The following PLEKHF2 variants were observed in gnomAD, a reference collection of about 807,000 sequenced individuals.
PLEKHF2 encodes pleckstrin homology and FYVE domain containing 2.
A neutral mutation model predicts 14.7 loss-of-function variants in PLEKHF2; 4 were observed. The observed-to-expected ratio is 0.27, with a 90% CI of 0.13 to 0.62. The LOEUF is 0.62. Ranked by LOEUF, PLEKHF2 falls within the 20% of genes least tolerant of loss-of-function variation. The probability of loss-of-function intolerance (pLI) is 0.85; values close to 1 mark genes in which losing one functional copy is unlikely to be tolerated. For missense variants in PLEKHF2, 201 were observed against 307.7 expected (o/e 0.65, Z 2.60); for synonymous variants, 90 against 103.5 (o/e 0.87, Z 0.79).
At chr8:95,134,865 TAAAG>T (rs1342779910) in intron 1 of PLEKHF2, among the ~76,000 whole-genome samples, 1 of 152,184 alleles carries the variant, frequency 6.6e-6, no homozygotes, top group African/African-American at 2.4e-5. Context: ...AGAGACTCAT[TAAAG>T]AAAGATTTAG....
chr8:95,147,184 T>C (rs1810508089), intron 1 of PLEKHF2, among the ~76,000 whole-genome samples: 1 of 152,066 alleles, frequency 6.6e-6, no homozygotes, highest in African/African-American at 2.4e-5. Flanking sequence ...TTTATTTATT[T>C]ATTGTAATTA....
intron 1 of PLEKHF2, among the ~76,000 whole-genome samples, chr8:95,144,374 T>A (rs1587306438): frequency 6.6e-6 from 1 of 152,236 alleles, no homozygotes; most frequent in East Asian, 1.9e-4. Flanking sequence ...CCTAAATTAG[T>A]CATAGCTTTG....
At chr8:95,144,039 T>G (rs1810465667) in intron 1 of PLEKHF2, among the ~76,000 whole-genome samples, 1 of 152,118 alleles carries the variant, frequency 6.6e-6, no homozygotes, top group Admixed American at 6.5e-5. Flanking sequence ...TTTTTTTTCT[T>G]TTTCTTTTTT....
intron 1 of PLEKHF2, among the ~76,000 whole-genome samples, chr8:95,135,077 A>G (rs2132102901): frequency 6.6e-6 from 1 of 152,276 alleles, no homozygotes; most frequent in East Asian, 1.9e-4. Context: ...GCTTCATTAT[A>G]ATCTCTTTGG....
intron 1 of PLEKHF2, among the ~76,000 whole-genome samples, chr8:95,136,373 C>CACACACACACACAT (rs10534400): frequency 8.3e-5 from 12 of 145,156 alleles, no homozygotes; most frequent in African/African-American, 3.1e-4. Context: ...CACACACACA[C>CACACACACACACAT]ATGTTTTGTT....
rs1587311248 is a variant in PLEKHF2 at position 95,154,312 on chromosome 8, A to G, written c.268A>G (p.Ile90Val). The change falls in exon 2 of 2, where the codon ATC becomes GTC. Residue 90 changes from isoleucine to valine, a missense_variant. Ile to Val is a conservative substitution (Grantham distance 29, BLOSUM62 3). Coordinates refer to ENST00000315367, the MANE Select transcript of PLEKHF2 (RefSeq NM_024613.4). This position sits in a 1 kb window ranked among gnomAD's most constrained non-coding sequence, Gnocchi z 5.6. ...IPLENVTIDS[I>V]KDEGDLRNGW... ...CCTGGAAAATGTCACTATTGATTCC[A>G]TCAAAGATGAGGGAGACTTAAGGAA... is the stretch of plus-strand genomic sequence containing the variant. 1.2e-6 allele frequency: 2 copies of G among 1,614,006 alleles called. No homozygotes were observed. Among genetic ancestry groups the G allele is most frequent in the Non-Finnish European group, 1.7e-6 (2 of 1,179,974 alleles).
chr8:95,135,174 A>G (rs1455212275), intron 1 of PLEKHF2, among the ~76,000 whole-genome samples: 1 of 152,224 alleles, frequency 6.6e-6, no homozygotes, highest in Non-Finnish European at 1.5e-5. Flanking sequence ...TAGTATAGTG[A>G]CTAAGCTTCA....
Position 95,138,656 on chromosome 8 carries a change from A to G in PLEKHF2, c.-15+4626A>G, listed in dbSNP as rs547032729. Among the ~76,000 whole-genome samples, 4 of 152,274 alleles carry G rather than the reference A, an allele frequency of 2.6e-5. No homozygotes were observed. In the East Asian group the frequency reaches 5.8e-4, roughly 22 times the overall value. On this transcript the variant is annotated intron_variant, in intron 1 of 1. Transcript: ENST00000315367. ...ATAACCACTACTGACTTTTTGGTGCATATCAGCCACTTTTAAATAACAAGT... is the reference window on the plus strand; with the variant it reads ...ATAACCACTACTGACTTTTTGGTGCGTATCAGCCACTTTTAAATAACAAGT...
Position 95,156,449 on chromosome 8 carries a change from T to A in PLEKHF2, c.*1655T>A, listed in dbSNP as rs1166170069. The A allele has an allele frequency of 6.0e-6, 1 of 167,034 alleles. No individual in the cohort carries two copies. The highest frequency in any genetic ancestry group is 1.9e-4 in the East Asian group (1 of 5,202). 10.3% of individuals were successfully genotyped at this position (167,034 alleles called of 1,614,324 possible). A position where few individuals can be genotyped will look rare whatever the true frequency, so the allele number is the denominator to read the frequency against. On this transcript the variant is annotated 3_prime_UTR_variant, in exon 2 of 2. Coordinates refer to ENST00000315367, the MANE Select transcript of PLEKHF2 (RefSeq NM_024613.4). ...GGTTTTTTGTTCATTTGCTTGCTTT[T>A]ATGATTTTTTTTGGTTTGTTTTAAT...
rs10534400 is a variant in PLEKHF2 at position 95,136,373 on chromosome 8, C to CACACACACAT, written c.-15+2344_-15+2345insCACACACATA. Reference sequence around the variant, plus strand: ...ACACACACACACACACACACACACACATGTTTTGTTGTTGTTTTGTTGAGA... The same window carrying CACACACACAT: ...ACACACACACACACACACACACACACACACACACATATGTTTTGTTGTTGTTTTGTTGAGA... On this transcript the variant is annotated intron_variant, in intron 1 of 1. Transcript: ENST00000315367. Among the ~76,000 whole-genome samples, 621 of 145,202 alleles carry CACACACACAT rather than the reference C, an allele frequency of 4.3e-3. 7 individuals carry two copies. The highest frequency in any genetic ancestry group is 0.015 in the African/African-American group (598 of 39,208).
rs547158837 is a variant in PLEKHF2, at chr8:95,145,569, A to G, written c.-14-8462A>G. Among the ~76,000 whole-genome samples the G allele has an allele frequency of 9.2e-5, 14 of 151,770 alleles. No homozygotes were observed. In the East Asian group the frequency reaches 2.3e-3, roughly 25 times the overall value. ...CTCCCGAGTAGCTGGGACTACAGGCACCCACCACCACGCCTGGCTAATTTT... is the reference window on the plus strand; with the variant it reads ...CTCCCGAGTAGCTGGGACTACAGGCGCCCACCACCACGCCTGGCTAATTTT... On this transcript the variant is annotated intron_variant, in intron 1 of 1. Coordinates refer to ENST00000315367, the MANE Select transcript of PLEKHF2 (RefSeq NM_024613.4).
chr8:95,142,262 A>T (rs141287778), intron 1 of PLEKHF2, among the ~76,000 whole-genome samples: 2 of 151,940 alleles, frequency 1.3e-5, no homozygotes, highest in Admixed American at 6.6e-5. Context: ...TAATTAATTA[A>T]TTTTTTTCTT....
At chr8:95,153,267 A>T (rs950924542) in intron 1 of PLEKHF2, among the ~76,000 whole-genome samples, 3 of 152,144 alleles carry the variant, frequency 2.0e-5, no homozygotes, top group Non-Finnish European at 4.4e-5. Context: ...GATTACCTAA[A>T]CTAAGTCTCG....
At chr8:95,140,098 C>A (rs1161939615) in intron 1 of PLEKHF2, among the ~76,000 whole-genome samples, 2 of 152,150 alleles carry the variant, frequency 1.3e-5, no homozygotes, top group African/African-American at 4.8e-5. Flanking sequence ...CATCTCTGTC[C>A]CGCAGATGTG....
intron 1 of PLEKHF2, among the ~76,000 whole-genome samples, chr8:95,148,928 C>T (rs148685118): frequency 1.3e-5 from 2 of 151,772 alleles, no homozygotes; most frequent in African/African-American, 4.8e-5. Context: ...AGAAAAATAG[C>T]GCAAAGAAAA....
Position 95,137,543 on chromosome 8 carries a change from C to G in PLEKHF2, c.-15+3513C>G, listed in dbSNP as rs2132104153. On this transcript the variant is annotated intron_variant, in intron 1 of 1. Transcript: ENST00000315367. ...TTTAGTGTTCAGTCAGGTGGAGAACCTTTGATTTAACTCAATTTCCCATCT... is the reference window on the plus strand; with the variant it reads ...TTTAGTGTTCAGTCAGGTGGAGAACGTTTGATTTAACTCAATTTCCCATCT... Among the ~76,000 whole-genome samples, 6 of 152,328 alleles carry G rather than the reference C, an allele frequency of 3.9e-5. No individual in the cohort carries two copies. The Middle Eastern group carries it at 0.01, about 259-fold the overall frequency.
At chr8:95,149,739 G>A (rs991466130) in intron 1 of PLEKHF2, among the ~76,000 whole-genome samples, 4 of 152,098 alleles carry the variant, frequency 2.6e-5, no homozygotes, top group African/African-American at 9.7e-5. Context: ...GCAAGGGGAC[G>A]GGAAAGCTTT....
Position 95,152,956 on chromosome 8 carries a change from C to T in PLEKHF2, c.-14-1075C>T, listed in dbSNP as rs1056865956. Among the ~76,000 whole-genome samples the T allele has an allele frequency of 6.8e-4, 103 of 152,214 alleles. 1 individual carries two copies. Among genetic ancestry groups the T allele is most frequent in the African/African-American group, 2.4e-3 (100 of 41,550 alleles). ...TTAGTAGGTTTGAAATAGGATACAACTCTGGGACTTGAGTGAAGTCAATAT... is the reference window on the plus strand; with the variant it reads ...TTAGTAGGTTTGAAATAGGATACAATTCTGGGACTTGAGTGAAGTCAATAT... On this transcript the variant is annotated intron_variant, in intron 1 of 1. Transcript: ENST00000315367.
At chr8:95,135,896 T>C (rs996080978) in intron 1 of PLEKHF2, among the ~76,000 whole-genome samples, 10 of 152,200 alleles carry the variant, frequency 6.6e-5, no homozygotes, top group African/African-American at 2.4e-4. Context: ...GTATAAATAC[T>C]TATTTCCCAG....
Sources: allele counts gnomAD v4.1 joint callset (sites outside exome capture counted in the v4.1 genomes callset), GRCh38; gene constraint gnomAD v4.1.1; non-coding constraint Gnocchi (gnomAD v3.1); transcripts MANE v1.5; gene names NCBI Gene and HGNC (gene_info 2026-07-23, HGNC 2026-07-21).